Variants in SNTG2 observed in about 807,000 individuals in gnomAD.
SNTG2 encodes gamma-2-syntrophin.
SNTG2 carries 74 observed loss-of-function variants against 70.9 expected under a neutral mutation model. That is an observed-to-expected ratio of 1.04 (90% CI 0.86 to 1.27). The LOEUF is 1.27. SNTG2 is among the 50% of genes most tolerant of loss of function. The pLI is 0.00. For missense variants in SNTG2, 717 were observed against 690.7 expected, an observed-to-expected ratio of 1.04 and a Z score of -0.43; for synonymous variants, 278 against 273.8, an observed-to-expected ratio of 1.02 and a Z score of -0.15.
chr2:1,318,006 T>C (rs1242266638), intron 16 of SNTG2, among the ~76,000 whole-genome samples: 1 of 152,230 alleles, frequency 6.6e-6, no homozygotes, highest in African/African-American at 2.4e-5. Flanking sequence ...CTGTATTTTG[T>C]TTGCACACTG....
Position 1,058,981 on chromosome 2 carries a change from C to T in SNTG2, c.73-24537C>T, listed in dbSNP as rs182465174. ...TGGCAGCCATGGGACCACCCCTGGG[C>T]TCCGTCTTCAAATGTTGCCATTTGT... is the stretch of plus-strand genomic sequence containing the variant. On this transcript the variant is annotated intron_variant, in intron 1 of 16. Coordinates refer to ENST00000308624, the MANE Select transcript of SNTG2 (RefSeq NM_018968.4). Among the ~76,000 whole-genome samples, 104 of 152,344 alleles carry T rather than the reference C, an allele frequency of 6.8e-4. 2 individuals carry two copies. Among genetic ancestry groups the T allele is most frequent in the Middle Eastern group, 3.4e-3 (1 of 294 alleles).
At chr2:1,365,757 T>C (rs1463367960) in intron 16 of SNTG2, among the ~76,000 whole-genome samples, 3 of 152,146 alleles carry the variant, frequency 2.0e-5, no homozygotes, top group Non-Finnish European at 2.9e-5. Flanking sequence ...AGAGAAGCAG[T>C]TTCTAAAAGA....
intron 11 of SNTG2, among the ~76,000 whole-genome samples, chr2:1,243,444 A>C (rs1022914583): frequency 6.6e-5 from 10 of 152,096 alleles, no homozygotes; most frequent in African/African-American, 2.2e-4. Context: ...TGGTAATTCC[A>C]CCCTTGATCA....
chr2:1,181,168 GTAAC>G (rs1156796665), intron 8 of SNTG2, among the ~76,000 whole-genome samples: 7 of 152,078 alleles, frequency 4.6e-5, no homozygotes, highest in East Asian at 1.9e-4. Flanking sequence ...GTATACATAT[GTAAC>G]TAACCTGCAC....
intron 1 of SNTG2, among the ~76,000 whole-genome samples, chr2:988,855 T>C (rs1195401376): frequency 6.6e-6 from 1 of 152,224 alleles, no homozygotes; most frequent in Non-Finnish European, 1.5e-5. Context: ...TCAAAAATAC[T>C]GAATTTTTCA....
chr2:1,165,450 AT>A, intron 6 of SNTG2, 97 bp from the exon 7 acceptor site: 1 of 1,164,744 alleles, frequency 8.6e-7, no homozygotes, highest in Non-Finnish European at 1.2e-6. Flanking sequence ...TGAACTTTGA[AT>A]TCTTGGGAAA....
chr2:1,182,807 C>T (rs536021575), intron 8 of SNTG2, among the ~76,000 whole-genome samples: 3 of 152,290 alleles, frequency 2.0e-5, no homozygotes, highest in African/African-American at 7.2e-5. Flanking sequence ...GGCTAGAGTG[C>T]AGTGATGGGA....
At chr2:1,195,914 C>T (rs761764740) in intron 8 of SNTG2, among the ~76,000 whole-genome samples, 15 of 151,988 alleles carry the variant, frequency 9.9e-5, no homozygotes, top group Admixed American at 2.6e-4. Flanking sequence ...AATAAACTCA[C>T]ATTGTTGGGA....
Position 1,209,090 on chromosome 2 carries a change from T to C in SNTG2, c.592-13T>C. ...TGCCTCTGTGACGCTTCATTCTCCT[T>C]TCTTCTGTACAGGCCCCATCGTCAC... On this transcript the variant is annotated splice_polypyrimidine_tract_variant and intron_variant, in intron 8 of 16. Transcript: ENST00000308624. 6.2e-7 allele frequency: 1 copy of C among 1,613,336 alleles called. No homozygotes were observed. The highest frequency in any genetic ancestry group is 2.2e-5 in the East Asian group (1 of 44,864).
intron 1 of SNTG2, among the ~76,000 whole-genome samples, chr2:1,066,692 G>A (rs1663176965): frequency 6.6e-6 from 1 of 152,118 alleles, no homozygotes; most frequent in African/African-American, 2.4e-5. Flanking sequence ...CATAGAATAA[G>A]AGAAGACGAT....
intron 6 of SNTG2, among the ~76,000 whole-genome samples, chr2:1,155,172 C>A (rs1290810537): frequency 3.9e-5 from 1 of 25,972 alleles, no homozygotes; most frequent in Non-Finnish European, 1.9e-4. Flanking sequence ...CACGTAGACC[C>A]CCCCCCCACA....
At position 1,220,593 on chromosome 2, in the gene SNTG2, C is replaced by CT. The variant is rs143580026; in HGVS notation, c.719+11366dup. ...CTAGCAGGTGACAGAGCTGCTGTTT[C>CT]TTTCTCATTACGCCATCTTTAAATT... On this transcript the variant is annotated intron_variant, in intron 9 of 16. Coordinates refer to ENST00000308624, the MANE Select transcript of SNTG2 (RefSeq NM_018968.4). Among the ~76,000 whole-genome samples, 1,431 of 152,338 alleles carry CT rather than the reference C, an allele frequency of 9.4e-3. 19 individuals carry two copies. The highest frequency in any genetic ancestry group is 0.032 in the African/African-American group (1,323 of 41,576).
At chr2:987,421 T>C (rs954253691) in intron 1 of SNTG2, among the ~76,000 whole-genome samples, 1 of 151,974 alleles carries the variant, frequency 6.6e-6, no homozygotes, top group Non-Finnish European at 1.5e-5. Flanking sequence ...GTGGAGACCT[T>C]CTGGGATGAT....
intron 13 of SNTG2, 137 bp downstream of exon 13, chr2:1,259,578 A>G (rs985454360): frequency 2.8e-6 from 2 of 721,988 alleles, no homozygotes; most frequent in South Asian, 1.8e-5. Context: ...GACGATCTGG[A>G]CCCATTCTCC....
intron 6 of SNTG2, among the ~76,000 whole-genome samples, chr2:1,159,782 C>G (rs1274919690): frequency 6.6e-6 from 1 of 152,132 alleles, no homozygotes; most frequent in Non-Finnish European, 1.5e-5. Context: ...GAAAATAATA[C>G]TAAAACTCCG....
chr2:1,271,928 T>C (rs966208653), intron 14 of SNTG2, among the ~76,000 whole-genome samples: 5 of 152,168 alleles, frequency 3.3e-5, no homozygotes, highest in African/African-American at 1.2e-4. Context: ...CACCATTGGC[T>C]GATTGGCTTC....
intron 9 of SNTG2, among the ~76,000 whole-genome samples, chr2:1,236,650 A>C (rs28660430): frequency 0.32 from 47,997 of 152,042 alleles, 9,008 homozygotes; most frequent in African/African-American, 0.53. Flanking sequence ...CAGGGATGTC[A>C]GCTTTTTAAA....
chr2:1,218,708 C>A (rs749028209), intron 9 of SNTG2, among the ~76,000 whole-genome samples: 2 of 152,136 alleles, frequency 1.3e-5, no homozygotes, highest in African/African-American at 4.8e-5. Flanking sequence ...CTGGGATGTG[C>A]CCCTGGGGAA....
At chr2:1,334,768 A>G (rs568698920) in intron 16 of SNTG2, among the ~76,000 whole-genome samples, 2 of 152,256 alleles carry the variant, frequency 1.3e-5, no homozygotes, top group South Asian at 2.1e-4. Flanking sequence ...AAATGATACA[A>G]TGGGCTTTGG....
Sources: gnomAD v4.1 joint callset for allele counts (sites outside exome capture counted in the v4.1 genomes callset) on GRCh38, gnomAD v4.1.1 for gene constraint, MANE v1.5 for transcripts, NCBI Gene and HGNC (gene_info 2026-07-23, HGNC 2026-07-21) for gene names.